Variants in CTNNA3 observed in about 807,000 individuals in gnomAD.
CTNNA3 encodes the protein catenin alpha-3.
A neutral mutation model predicts 95.7 loss-of-function variants in CTNNA3; 76 were observed. That is an observed-to-expected ratio of 0.79 (90% CI 0.66 to 0.96). The LOEUF (loss-of-function observed/expected upper bound fraction) is 0.96. Ranked by LOEUF, CTNNA3 falls within the 40% of genes least tolerant of loss-of-function variation. The pLI, the probability that CTNNA3 is intolerant of heterozygous loss-of-function variation, is 0.00. For missense variants in CTNNA3, 1,191 were observed against 1,089.8 expected (o/e 1.09, Z -1.31); for synonymous variants, 431 against 374.4 (o/e 1.15, Z -1.74).
At chr10:67,710,063 A>G (rs1256694406) in intron 1 of CTNNA3, among the ~76,000 whole-genome samples, 1 of 152,158 alleles carries the variant, frequency 6.6e-6, no homozygotes, top group African/African-American at 2.4e-5. Flanking sequence ...GCATTGCTAT[A>G]GAACACTGCA....
chr10:66,249,185 G>A (rs558285837), intron 13 of CTNNA3, among the ~76,000 whole-genome samples: 17 of 151,954 alleles, frequency 1.1e-4, no homozygotes, highest in African/African-American at 3.1e-4. Flanking sequence ...AGAAAACATC[G>A]GGGAAACTCT....
At chr10:67,668,894 A>C (rs1381157942) in intron 1 of CTNNA3, among the ~76,000 whole-genome samples, 2 of 136,016 alleles carry the variant, frequency 1.5e-5, no homozygotes, top group Non-Finnish European at 3.0e-5. Flanking sequence ...GCTGGAGTGC[A>C]ATGGCGTGAT....
chr10:66,798,033 A>G (rs1362327342), intron 7 of CTNNA3, among the ~76,000 whole-genome samples: 3 of 151,808 alleles, frequency 2.0e-5, no homozygotes, highest in Non-Finnish European at 4.4e-5. Context: ...TATACACTCT[A>G]TCTACTTTCT....
chr10:66,614,901 C>T (rs1055833972), intron 10 of CTNNA3, among the ~76,000 whole-genome samples: 1 of 151,828 alleles, frequency 6.6e-6, no homozygotes, highest in Admixed American at 6.6e-5. Context: ...AGGGAAAATA[C>T]CCTAGGTTTT....
chr10:65,982,339 C>G lies in CTNNA3; in HGVS notation c.2265+6353G>C, dbSNP rs566410775. 7.3e-5 allele frequency among the ~76,000 whole-genome samples: 11 copies of G among 150,210 alleles called. No homozygotes were observed. The South Asian group carries it at 1.7e-3, about 23-fold the overall frequency. ...TAAGAATGGCCATGATCAGAAAAAA[C>G]AAAACAACAAAAAAAGGTGTTGGCA... On this transcript the variant is annotated intron_variant, in intron 16 of 17. Transcript: ENST00000433211.
intron 1 of CTNNA3, among the ~76,000 whole-genome samples, chr10:67,665,006 G>A (rs923875843): frequency 1.2e-4 from 18 of 152,082 alleles, no homozygotes; most frequent in East Asian, 1.9e-4. Context: ...TAACCTACTC[G>A]CTGTACAATT....
At chr10:66,749,708 A>T (rs1197829046) in intron 9 of CTNNA3, among the ~76,000 whole-genome samples, 1 of 152,192 alleles carries the variant, frequency 6.6e-6, no homozygotes. Flanking sequence ...TAAGTTTTCA[A>T]ATCCCTTGGG....
chr10:66,528,002 G>A (rs1296642422), intron 10 of CTNNA3, among the ~76,000 whole-genome samples: 1 of 152,132 alleles, frequency 6.6e-6, no homozygotes, highest in East Asian at 1.9e-4. Flanking sequence ...GATTGATTGA[G>A]GTTATAGGAG....
chr10:66,205,057 T>G (rs1399974984), intron 13 of CTNNA3, among the ~76,000 whole-genome samples: 1 of 152,174 alleles, frequency 6.6e-6, no homozygotes, highest in Non-Finnish European at 1.5e-5. Flanking sequence ...CTTACAAACA[T>G]GCTGAGAAAG....
intron 1 of CTNNA3, among the ~76,000 whole-genome samples, chr10:67,694,103 C>T (rs1221336688): frequency 2.0e-5 from 3 of 152,202 alleles, no homozygotes; most frequent in Non-Finnish European, 2.9e-5. Context: ...ACTATGTCTA[C>T]ATGGTCTTCT....
intron 15 of CTNNA3, among the ~76,000 whole-genome samples, chr10:66,037,641 A>G (rs2079594391): frequency 6.8e-6 from 1 of 147,982 alleles, no homozygotes; most frequent in South Asian, 2.3e-4. Flanking sequence ...CCATGATATG[A>G]TACATTCTCA....
intron 7 of CTNNA3, among the ~76,000 whole-genome samples, chr10:66,861,776 C>T (rs1284614867): frequency 6.6e-6 from 1 of 152,196 alleles, no homozygotes; most frequent in Non-Finnish European, 1.5e-5. Context: ...TAACCCACCA[C>T]TATGACCACC....
chr10:65,937,501 A>G (rs2077360853), intron 17 of CTNNA3, among the ~76,000 whole-genome samples: 1 of 152,108 alleles, frequency 6.6e-6, no homozygotes, highest in Non-Finnish European at 1.5e-5. Context: ...TCTTTCTTGA[A>G]TTCACACTGT....
chr10:66,626,431 C>T (rs1459129936), intron 9 of CTNNA3, among the ~76,000 whole-genome samples: 6 of 152,124 alleles, frequency 3.9e-5, no homozygotes, highest in African/African-American at 1.4e-4. Context: ...GGAGAAAGGT[C>T]ACTGTCTCAT....
intron 11 of CTNNA3, among the ~76,000 whole-genome samples, chr10:66,444,857 C>T (rs1200626329): frequency 6.6e-6 from 1 of 152,078 alleles, no homozygotes; most frequent in Non-Finnish European, 1.5e-5. Context: ...CTAAATGCTC[C>T]AATTAAAAGA....
intron 13 of CTNNA3, among the ~76,000 whole-genome samples, chr10:66,242,306 A>G (rs554017306): frequency 6.6e-6 from 1 of 152,340 alleles, no homozygotes; most frequent in African/African-American, 2.4e-5. Context: ...AAACAGCATT[A>G]ACCGTTAAAA....
At chr10:66,352,610 C>A (rs1024662393) in intron 12 of CTNNA3, among the ~76,000 whole-genome samples, 1 of 151,980 alleles carries the variant, frequency 6.6e-6, no homozygotes, top group Non-Finnish European at 1.5e-5. Context: ...TAAATTGTGT[C>A]ATTAAATGTG....
intron 11 of CTNNA3, among the ~76,000 whole-genome samples, chr10:66,447,562 C>T (rs561121821): frequency 6.6e-6 from 1 of 151,954 alleles, no homozygotes; most frequent in South Asian, 2.1e-4. Flanking sequence ...CTGAAAAAAA[C>T]AAGCAATGGG....
chr10:67,534,596 G>T (rs953060017), intron 4 of CTNNA3, among the ~76,000 whole-genome samples: 3 of 152,046 alleles, frequency 2.0e-5, no homozygotes, highest in Non-Finnish European at 4.4e-5. Context: ...CCTCCCTTCC[G>T]TCTTCCTGTA....
Sources: allele counts gnomAD v4.1 joint callset (sites outside exome capture counted in the v4.1 genomes callset), GRCh38; gene constraint gnomAD v4.1.1; transcripts MANE v1.5; gene names NCBI Gene and HGNC (gene_info 2026-07-23, HGNC 2026-07-21).